Variants in TCAIM observed in about 807,000 individuals in gnomAD.
TCAIM encodes T cell activation inhibitor, mitochondrial, also known as T-cell activation inhibitor, mitochondrial.
Under a neutral mutation model 58.6 loss-of-function variants are expected in TCAIM, and 36 were observed. The observed-to-expected ratio is 0.61, with a 90% confidence interval of 0.47 to 0.81. The LOEUF is 0.81. TCAIM is among the 30% of genes least tolerant of loss of function. TCAIM has a pLI of 0.00. For synonymous variants in TCAIM, 172 were observed against 193.6 expected, an observed-to-expected ratio of 0.89 and a Z score of 0.93; for missense variants, 466 against 579.6, an observed-to-expected ratio of 0.80 and a Z score of 2.01.
At chr3:44,394,922 ATATATATATATATATATATAT>A (rs1403968725) in intron 6 of TCAIM, among the ~76,000 whole-genome samples, 2 of 11,646 alleles carry the variant, frequency 1.7e-4, no homozygotes, top group African/African-American at 3.7e-4. Flanking sequence ...AAAAAAAAAA[ATATATATATATATATATATAT>A]ATATATATAT....
chr3:44,344,038 T>C (rs74789083), intron 1 of TCAIM, among the ~76,000 whole-genome samples: 3 of 151,290 alleles, frequency 2.0e-5, no homozygotes, highest in Non-Finnish European at 4.4e-5. Flanking sequence ...TTTTTTTTTT[T>C]TTTGAGAGAG....
chr3:44,346,362 C>G (rs986090113), intron 1 of TCAIM, among the ~76,000 whole-genome samples: 2 of 152,126 alleles, frequency 1.3e-5, no homozygotes, highest in Non-Finnish European at 2.9e-5. Context: ...GTGGACTTCT[C>G]AGACCCTGTG....
chr3:44,387,484 A>G (rs1701763078), intron 5 of TCAIM, among the ~76,000 whole-genome samples: 1 of 152,238 alleles, frequency 6.6e-6, no homozygotes, highest in African/African-American at 2.4e-5. Context: ...CCAAGCTTCC[A>G]GGAACCACCA....
At chr3:44,378,611 G>C (rs1701604320) in intron 5 of TCAIM, among the ~76,000 whole-genome samples, 1 of 151,892 alleles carries the variant, frequency 6.6e-6, no homozygotes, top group East Asian at 1.9e-4. Flanking sequence ...GGCTGTTCAA[G>C]AACAGCCTGG....
At chr3:44,370,469 A>C (rs913411074) in intron 5 of TCAIM, among the ~76,000 whole-genome samples, 2 of 151,788 alleles carry the variant, frequency 1.3e-5, no homozygotes, top group Non-Finnish European at 2.9e-5. Flanking sequence ...AAAAAAAAAA[A>C]AAACCACTGT....
chr3:44,365,334 CT>C (rs1377547976), intron 4 of TCAIM, among the ~76,000 whole-genome samples: 268 of 145,838 alleles, frequency 1.8e-3, no homozygotes, highest in East Asian at 2.6e-3. Flanking sequence ...GTTGCAAATA[CT>C]TTTTTTTTTT....
At chr3:44,356,271 A>C (rs1430834331) in intron 2 of TCAIM, among the ~76,000 whole-genome samples, 1 of 152,232 alleles carries the variant, frequency 6.6e-6, no homozygotes, top group Non-Finnish European at 1.5e-5. Context: ...TCACGCCTGT[A>C]ATCCCAGCAC....
chr3:44,371,381 CATCTT>C (rs1701467346), intron 5 of TCAIM, among the ~76,000 whole-genome samples: 1 of 152,108 alleles, frequency 6.6e-6, no homozygotes, highest in Admixed American at 6.5e-5. Flanking sequence ...TAAGCATTGA[CATCTT>C]ATTGATTTAC....
chr3:44,342,098 A>G (rs1283530148), intron 1 of TCAIM, among the ~76,000 whole-genome samples: 2 of 152,222 alleles, frequency 1.3e-5, no homozygotes, highest in African/African-American at 2.4e-5. Context: ...TACTAGTATT[A>G]GAATTGTAAT....
At chr3:44,339,095 A>G (rs1700798863) in intron 1 of TCAIM, among the ~76,000 whole-genome samples, 1 of 51,638 alleles carries the variant, frequency 1.9e-5, no homozygotes, top group Non-Finnish European at 4.1e-5. Flanking sequence ...TTACGTACTA[A>G]ATCTCATATA....
At chr3:44,402,419 T>C (rs1702034792) in intron 10 of TCAIM, among the ~76,000 whole-genome samples, 1 of 145,686 alleles carries the variant, frequency 6.9e-6, no homozygotes, top group Admixed American at 6.8e-5. Flanking sequence ...CAAAAAAATA[T>C]ATGTATCATT....
At chr3:44,388,307 T>C (rs758203563) in intron 5 of TCAIM, among the ~76,000 whole-genome samples, 17 of 152,218 alleles carry the variant, frequency 1.1e-4, no homozygotes, top group Non-Finnish European at 2.4e-4. Flanking sequence ...CACATTTAGT[T>C]GTCAAATCTC....
chr3:44,378,750 G>A (rs556671132), intron 5 of TCAIM, among the ~76,000 whole-genome samples: 6 of 151,022 alleles, frequency 4.0e-5, no homozygotes, highest in African/African-American at 1.5e-4. Flanking sequence ...TGCAGAGGTT[G>A]CAGTGAGCCG....
chr3:44,378,952 A>G (rs1036930582), intron 5 of TCAIM, among the ~76,000 whole-genome samples: 9 of 151,944 alleles, frequency 5.9e-5, no homozygotes, highest in African/African-American at 2.2e-4. Context: ...TGAACTCAGG[A>G]GTTTAAGACC....
At chr3:44,394,922 ATATATATATATATATATATATATAT>A in intron 6 of TCAIM, among the ~76,000 whole-genome samples, 1 of 11,646 alleles carries the variant, frequency 8.6e-5, no homozygotes, top group African/African-American at 3.7e-4. Flanking sequence ...AAAAAAAAAA[ATATATATATATATATATATATATAT>A]ATATATATAT....
chr3:44,360,200 A>T (rs1290444602), intron 3 of TCAIM, among the ~76,000 whole-genome samples: 2 of 149,618 alleles, frequency 1.3e-5, no homozygotes, highest in Non-Finnish European at 3.0e-5. Context: ...CTTTCCATGT[A>T]CCCTATTTCC....
intron 10 of TCAIM, among the ~76,000 whole-genome samples, chr3:44,403,354 A>G (rs938546451): frequency 4.6e-5 from 7 of 152,368 alleles, no homozygotes; most frequent in Admixed American, 3.9e-4. Flanking sequence ...CATTTTATAT[A>G]TAAAGTAAAT....
intron 1 of TCAIM, among the ~76,000 whole-genome samples, chr3:44,343,192 A>G (rs922492389): frequency 6.6e-6 from 1 of 152,038 alleles, no homozygotes. Flanking sequence ...TTAACCATCT[A>G]TGTTATTTAA....
chr3:44,377,685 A>G (rs1701587905), intron 5 of TCAIM, among the ~76,000 whole-genome samples: 1 of 152,216 alleles, frequency 6.6e-6, no homozygotes, highest in African/African-American at 2.4e-5. Context: ...TCTGACCAAA[A>G]TGGGATGAAG....
Sources: allele counts gnomAD v4.1 joint callset (sites outside exome capture counted in the v4.1 genomes callset), GRCh38; gene constraint gnomAD v4.1.1; transcripts MANE v1.5; gene names NCBI Gene and HGNC (gene_info 2026-07-23, HGNC 2026-07-21).